BMX: variants seen among roughly 807,000 people sequenced by gnomAD.
BMX encodes the protein BMX non-receptor tyrosine kinase, also known as cytoplasmic tyrosine-protein kinase BMX.
BMX carries 31 observed loss-of-function variants against 59.2 expected under a neutral mutation model. That is an observed-to-expected ratio of 0.52 (90% CI 0.39 to 0.71). The LOEUF is 0.71. BMX is among the 30% of genes least tolerant of loss of function. The probability of loss-of-function intolerance (pLI) is 0.00; values close to 1 mark genes in which losing one functional copy is unlikely to be tolerated. For missense variants in BMX, 474 were observed against 491.7 expected (o/e 0.96, Z 0.34); for synonymous variants, 185 against 181.0 (o/e 1.02, Z -0.18).
intron 6 of BMX, among the ~76,000 whole-genome samples, chrX:15,521,178 G>A (rs988362575): frequency 9.0e-6 from 1 of 111,187 alleles, no homozygotes; most frequent in Non-Finnish European, 1.9e-5. Flanking sequence ...CAACATCACA[G>A]AACCCCAGGG....
chrX:15,511,789 G>T (rs1163708776), intron 4 of BMX, among the ~76,000 whole-genome samples: 1 of 111,596 alleles, frequency 9.0e-6, no homozygotes, highest in African/African-American at 3.3e-5. Context: ...GGGAAGCCAG[G>T]CCACCTGCTC....
Position 15,501,968 on chromosome X carries a change from C to A in BMX, c.-10+1028C>A, listed in dbSNP as rs761928623. ...GAAGTAAAATTTTATCATTAAGGAT[C>A]ATTATTATTTCACTGTCTTTAGTTT... On this transcript the variant is annotated intron_variant, in intron 1 of 18. Coordinates refer to ENST00000348343, the MANE Select transcript of BMX (RefSeq NM_203281.3). 4.5e-5 allele frequency among the ~76,000 whole-genome samples: 5 copies of A among 111,660 alleles called. No individual in the cohort carries two copies. The East Asian group carries it at 1.4e-3, about 31-fold the overall frequency.
intron 17 of BMX, among the ~76,000 whole-genome samples, chrX:15,548,617 C>T (rs1426153537): frequency 9.0e-6 from 1 of 111,549 alleles, no homozygotes; most frequent in East Asian, 2.8e-4. Flanking sequence ...AGATATTTTC[C>T]AGCTGTTTAT....
chrX:15,538,987 C>T (rs1429080776), intron 14 of BMX, among the ~76,000 whole-genome samples: 3 of 111,231 alleles, frequency 2.7e-5, no homozygotes, highest in Non-Finnish European at 3.8e-5. Context: ...CTGCTGTTGT[C>T]ATCTTGAAGT....
chrX:15,503,628 T>C (rs73635101), intron 1 of BMX, among the ~76,000 whole-genome samples: 9,969 of 111,625 alleles, frequency 0.089, 1,072 homozygotes, highest in African/African-American at 0.3. Context: ...TCTAGGTTTC[T>C]TATAAGATTT....
rs1215070031 is a variant in BMX, at chrX:15,527,283, TACAC to T, written c.884+1204_884+1207del. ...ATATATATATATATATATATATATA[TACAC>T]ACACACACACACACATATATATATA... On this transcript the variant is annotated intron_variant, in intron 9 of 18. Transcript: ENST00000348343. 2.6e-3 allele frequency among the ~76,000 whole-genome samples: 173 copies of T among 65,782 alleles called. 1 individual carries two copies. Among genetic ancestry groups the T allele is most frequent in the African/African-American group, 0.011 (167 of 14,863 alleles). 57.1% of individuals were successfully genotyped at this position (65,782 alleles called of 115,157 possible).
chrX:15,521,030 GAC>G (rs72034155), intron 6 of BMX, among the ~76,000 whole-genome samples: 6 of 110,332 alleles, frequency 5.4e-5, no homozygotes, highest in East Asian at 2.8e-4. Flanking sequence ...CGCACACACA[GAC>G]ACACACACAC....
intron 16 of BMX, among the ~76,000 whole-genome samples, chrX:15,543,743 A>T (rs1430020720): frequency 1.8e-5 from 2 of 111,721 alleles, no homozygotes; most frequent in Non-Finnish European, 3.8e-5. Flanking sequence ...AGTAAGGCAT[A>T]AAACTAGACT....
intron 12 of BMX, 128 bp downstream of exon 12, chrX:15,534,467 T>A: frequency 1.7e-6 from 1 of 576,114 alleles, no homozygotes; most frequent in East Asian, 4.5e-5. Context: ...TCCTCTCAAG[T>A]CTTTTGCCTA....
chrX:15,547,772 G>A (rs1371900222), intron 17 of BMX, among the ~76,000 whole-genome samples: 3 of 111,762 alleles, frequency 2.7e-5, no homozygotes, highest in Non-Finnish European at 5.6e-5. Context: ...ATTAGAAAAG[G>A]GAAACAATTC....
intron 1 of BMX, 64 bp downstream of exon 1, chrX:15,501,004 C>T (rs1040734620): frequency 2.7e-6 from 2 of 739,025 alleles, no homozygotes; most frequent in African/African-American, 2.3e-5. Context: ...GTTTGGTTCC[C>T]GGTGTTGTGG....
chrX:15,534,371 CTTG>C, intron 12 of BMX, 32 bp downstream of exon 12: 1 of 1,127,007 alleles, frequency 8.9e-7, no homozygotes. Context: ...TTTATGGGCC[CTTG>C]TTGTAAAACA....
At chrX:15,536,786 AT>A (rs954261328) in intron 13 of BMX, among the ~76,000 whole-genome samples, 15 of 110,851 alleles carry the variant, frequency 1.4e-4, no homozygotes, top group African/African-American at 4.6e-4. Context: ...TCACAGTTTA[AT>A]TTTTTTATTA....
intron 16 of BMX, 35 bp from the exon 17 acceptor site, chrX:15,546,768 G>A (rs374998285): frequency 8.8e-7 from 1 of 1,137,525 alleles, no homozygotes; most frequent in Non-Finnish European, 1.2e-6. Context: ...TACCACCACG[G>A]CTTAAGGTCT....
chrX:15,520,453 G>A (rs963069340), intron 6 of BMX, among the ~76,000 whole-genome samples: 1 of 111,738 alleles, frequency 8.9e-6, no homozygotes, highest in Non-Finnish European at 1.9e-5. Flanking sequence ...TGTGGTGATA[G>A]TTATACAAGT....
Position 15,556,412 on chromosome X carries a change from C to A in BMX, c.*265C>A. 1 of 240,428 alleles carries A rather than the reference C, an allele frequency of 4.2e-6. No individual in the cohort carries two copies. Among genetic ancestry groups the A allele is most frequent in the Non-Finnish European group, 7.4e-6 (1 of 135,511 alleles). 19.8% of individuals were successfully genotyped at this position (240,428 alleles called of 1,213,427 possible). ...ACATTTTCAGACTGCAATATAGAGA[C>A]TGTGTTCATGTGTAAAGACTGAGCA... On this transcript the variant is annotated 3_prime_UTR_variant, in exon 19 of 19. Coordinates refer to ENST00000348343, the MANE Select transcript of BMX (RefSeq NM_203281.3).
chrX:15,555,235 G>T (rs1926374720), intron 18 of BMX, among the ~76,000 whole-genome samples: 1 of 74,089 alleles, frequency 1.3e-5, no homozygotes. Flanking sequence ...TTAAGACAGA[G>T]TCTTGCTCTA....
intron 7 of BMX, among the ~76,000 whole-genome samples, chrX:15,524,065 A>T (rs1924595633): frequency 8.9e-6 from 1 of 112,330 alleles, no homozygotes; most frequent in Non-Finnish European, 1.9e-5. Flanking sequence ...ACTTTCTGTC[A>T]TTCTTACAAT....
chrX:15,522,675 C>T (rs1924525567), intron 7 of BMX, 88 bp downstream of exon 7: 1 of 1,136,829 alleles, frequency 8.8e-7, no homozygotes, highest in African/African-American at 1.8e-5. Context: ...AGCTGTTGAT[C>T]CAGGTCTTAG....
Sources: allele counts gnomAD v4.1 joint callset (sites outside exome capture counted in the v4.1 genomes callset), GRCh38; gene constraint gnomAD v4.1.1; transcripts MANE v1.5; gene names NCBI Gene and HGNC (gene_info 2026-07-23, HGNC 2026-07-21).